Variants in ANLN observed in about 807,000 individuals in gnomAD.
The protein encoded by ANLN is anillin, actin binding protein, also known as anillin.
ANLN carries 59 observed loss-of-function variants against 135.1 expected under a neutral mutation model. That is an observed-to-expected ratio of 0.44 (90% CI 0.35 to 0.54). The LOEUF is 0.54. ANLN is among the 20% of genes least tolerant of loss of function. The pLI is 0.00. For synonymous variants in ANLN, 406 were observed against 456.4 expected (o/e 0.89, Z 1.41); for missense variants, 1,182 against 1,340.0 (o/e 0.88, Z 1.84).
chr7:36,415,179 A>T (rs1256385227), intron 7 of ANLN, among the ~76,000 whole-genome samples: 1 of 152,238 alleles, frequency 6.6e-6, no homozygotes, highest in Non-Finnish European at 1.5e-5. Context: ...CTAATGAATA[A>T]AAAGACTCAG....
At chr7:36,412,737 T>A (rs768620289) in intron 7 of ANLN, among the ~76,000 whole-genome samples, 1 of 152,158 alleles carries the variant, frequency 6.6e-6, no homozygotes, top group Non-Finnish European at 1.5e-5. Flanking sequence ...GCTTGACATA[T>A]AGAATGATTC....
intron 3 of ANLN, among the ~76,000 whole-genome samples, chr7:36,404,033 C>T (rs1055357635): frequency 1.3e-5 from 2 of 152,024 alleles, no homozygotes; most frequent in African/African-American, 4.8e-5. Flanking sequence ...TGCAGTGGCA[C>T]GATCTCGGCT....
At chr7:36,422,951 TAAA>T (rs1272358537) in intron 14 of ANLN, 142 bp downstream of exon 14, 1 of 645,250 alleles carries the variant, frequency 1.5e-6, no homozygotes, top group African/African-American at 1.9e-5. Flanking sequence ...TGAGATATAA[TAAA>T]AATAAGAAAA....
chr7:36,451,807 T>C lies in ANLN; in HGVS notation c.3252-670T>C, dbSNP rs543320830. Among the ~76,000 whole-genome samples, 3 of 152,328 alleles carry C rather than the reference T, an allele frequency of 2.0e-5. No individual in the cohort carries two copies. The East Asian group carries it at 5.8e-4, about 29-fold the overall frequency. ...GTTCTCTGGAAGCATGTTCTGGCTA[T>C]GAGGTAGGGAATCCCCCCTTCCTTA... On this transcript the variant is annotated intron_variant, in intron 23 of 23. Coordinates refer to ENST00000265748, the MANE Select transcript of ANLN (RefSeq NM_018685.5).
intron 7 of ANLN, 28 bp from the exon 8 acceptor site, chr7:36,415,730 A>C (rs967667249): frequency 5.1e-6 from 8 of 1,557,910 alleles, no homozygotes; most frequent in Middle Eastern, 1.7e-4. Context: ...TTGAGAAATA[A>C]AATTTACTTT....
At chr7:36,392,513 G>GT (rs55732261) in intron 1 of ANLN, among the ~76,000 whole-genome samples, 104,260 of 140,378 alleles carry the variant, frequency 0.74, 38,740 homozygotes, top group South Asian at 0.84. Flanking sequence ...TATTGCAGTG[G>GT]TTTTTTTTTT....
rs1296076321 is a variant in ANLN at position 36,414,289 on chromosome 7, G to A, written c.1396-1469G>A. Among the ~76,000 whole-genome samples, 3 of 152,162 alleles carry A rather than the reference G, an allele frequency of 2.0e-5. No homozygotes were observed. In the East Asian group the frequency reaches 5.8e-4, roughly 29 times the overall value. On this transcript the variant is annotated intron_variant, in intron 7 of 23. Transcript: ENST00000265748. ...TAGTGGCTAGAAGAGATGAAGAAAA[G>A]TATGATTTGTATGTGTTTTGTCCTT...
chr7:36,446,612 C>G (rs988072071), intron 22 of ANLN, among the ~76,000 whole-genome samples: 1 of 152,128 alleles, frequency 6.6e-6, no homozygotes, highest in Non-Finnish European at 1.5e-5. Flanking sequence ...CATTTTTAAA[C>G]AATCAGTTCA....
At chr7:36,425,293 C>CTTTTT (rs1221400271) in intron 17 of ANLN, among the ~76,000 whole-genome samples, 12 of 123,600 alleles carry the variant, frequency 9.7e-5, no homozygotes, top group Non-Finnish European at 1.5e-4. Flanking sequence ...AGAACTCATT[C>CTTTTT]TTTTTTTTTT....
rs137927362 is a variant in ANLN, at chr7:36,399,481, A to G, written c.487+88A>G. ...TGAACATTTTATCAGTTAACTCATG[A>G]AAAATAAATGCTTTTGTTTTATCTA... On this transcript the variant is annotated intron_variant, in intron 3 of 23. Transcript: ENST00000265748. 4.7e-4 allele frequency: 548 copies of G among 1,176,856 alleles called. 4 individuals carry two copies. The African/African-American group carries it at 7.6e-3, about 16-fold the overall frequency. 72.9% of individuals were successfully genotyped at this position (1,176,856 alleles called of 1,614,324 possible).
intron 7 of ANLN, among the ~76,000 whole-genome samples, chr7:36,414,124 A>C (rs1428956813): frequency 6.6e-6 from 1 of 152,220 alleles, no homozygotes; most frequent in Non-Finnish European, 1.5e-5. Context: ...AGTTTGCTGT[A>C]ACGTGGCAAG....
At chr7:36,424,518 G>T in intron 15 of ANLN, 27 bp from the exon 16 acceptor site, 2 of 1,572,516 alleles carry the variant, frequency 1.3e-6, no homozygotes, top group Non-Finnish European at 1.7e-6. Flanking sequence ...TTCTCTCAAG[G>T]TTTTACTTAA....
chr7:36,402,832 C>T (rs1187442834), intron 3 of ANLN, among the ~76,000 whole-genome samples: 3 of 152,174 alleles, frequency 2.0e-5, no homozygotes, highest in Non-Finnish European at 2.9e-5. Context: ...CCAGAAAAGC[C>T]TCCCTGACCA....
At position 36,426,009 on chromosome 7, in the gene ANLN, T is replaced by G; in HGVS notation, c.2749-6T>G. The G allele has an allele frequency of 6.6e-7, 1 of 1,523,410 alleles. No individual in the cohort carries two copies. Among genetic ancestry groups the G allele is most frequent in the Admixed American group, 2.3e-5 (1 of 43,772 alleles). The allele number at this position is 1,523,410 out of a possible 1,614,324, so 94.4% of individuals were successfully genotyped here. A position where few individuals can be genotyped will look rare whatever the true frequency, so the allele number is the denominator to read the frequency against. On this transcript the variant is annotated splice_polypyrimidine_tract_variant and splice_region_variant and intron_variant, in intron 18 of 23. Coordinates refer to ENST00000265748, the MANE Select transcript of ANLN (RefSeq NM_018685.5). The stretch of plus-strand genomic sequence containing the variant: ...TTCTTCTTCACACCTTTTTTTTTTT[T>G]TTTAGAAAAGCAACATTCATTCTTC...
intron 2 of ANLN, among the ~76,000 whole-genome samples, chr7:36,398,170 G>T (rs1251930800): frequency 2.9e-5 from 4 of 137,500 alleles, no homozygotes; most frequent in East Asian, 4.0e-4. Flanking sequence ...GGTTCTGATA[G>T]ATTTTTTTTT....
chr7:36,392,190 C>A (rs1786505227), intron 1 of ANLN, among the ~76,000 whole-genome samples: 1 of 152,144 alleles, frequency 6.6e-6, no homozygotes, highest in Admixed American at 6.5e-5. Context: ...GCTTTAGATC[C>A]TTTTATGTCT....
rs541884691 is a variant in ANLN at position 36,402,686 on chromosome 7, G to A, written c.487+3293G>A. ...ACTGCTTGCTTTAAACACCAGAATA[G>A]GATCTACTTATACACACACTCTGCT... On this transcript the variant is annotated intron_variant, in intron 3 of 23. Transcript: ENST00000265748. Among the ~76,000 whole-genome samples the A allele has an allele frequency of 1.2e-4, 18 of 152,118 alleles. No homozygotes were observed. The South Asian group carries it at 3.7e-3, about 32-fold the overall frequency.
intron 19 of ANLN, 114 bp from the exon 20 acceptor site, chr7:36,426,802 T>G (rs1583633885): frequency 3.9e-6 from 2 of 515,386 alleles, no homozygotes; most frequent in Middle Eastern, 3.1e-4. Flanking sequence ...AATGAGGCAG[T>G]TTTTTTTTCT....
chr7:36,396,031 G>A lies in ANLN; in HGVS notation c.19-235G>A, dbSNP rs145990044. ...ATGAAAGCAGAAAAAATTTGTGGCC[G>A]TTAAAAATCTTATATAACTAACTTT... On this transcript the variant is annotated intron_variant, in intron 1 of 23. Coordinates refer to ENST00000265748, the MANE Select transcript of ANLN (RefSeq NM_018685.5). 1.4e-3 allele frequency among the ~76,000 whole-genome samples: 217 copies of A among 152,190 alleles called. 2 individuals carry two copies. Among genetic ancestry groups the A allele is most frequent in the Non-Finnish European group, 2.1e-3 (140 of 67,994 alleles).
Sources: gnomAD v4.1 joint callset for allele counts (sites outside exome capture counted in the v4.1 genomes callset) on GRCh38, gnomAD v4.1.1 for gene constraint, MANE v1.5 for transcripts, NCBI Gene and HGNC (gene_info 2026-07-23, HGNC 2026-07-21) for gene names.